Variants in MS4A15 observed in about 807,000 individuals in gnomAD.
MS4A15 encodes membrane-spanning 4-domains subfamily A member 15.
In MS4A15, 22 loss-of-function variants were observed where a neutral mutation model predicts 20.6. The ratio of observed to expected loss-of-function variants is 1.07; its 90% confidence interval spans 0.76 to 1.52. The LOEUF (loss-of-function observed/expected upper bound fraction) is 1.52. Ranked by LOEUF, MS4A15 falls within the 40% of genes most tolerant of loss-of-function variation. MS4A15 has a pLI of 0.00. For synonymous variants in MS4A15, 129 were observed against 129.3 expected, an observed-to-expected ratio of 1.00 and a Z score of 0.02; for missense variants, 312 against 323.0, an observed-to-expected ratio of 0.97 and a Z score of 0.26.
intron 1 of MS4A15, among the ~76,000 whole-genome samples, chr11:60,761,467 T>G (rs1283639202): frequency 6.6e-6 from 1 of 152,166 alleles, no homozygotes; most frequent in Non-Finnish European, 1.5e-5. Context: ...CATTCAGTGG[T>G]CTCCATCCAG....
At chr11:60,775,337 A>AAG (rs1413032547) in intron 6 of MS4A15, among the ~76,000 whole-genome samples, 3 of 148,990 alleles carry the variant, frequency 2.0e-5, no homozygotes, top group Non-Finnish European at 4.4e-5. Context: ...AAGAAAAGAA[A>AAG]AAAAAGAACA....
In MS4A15 at chr11:60,775,781, C is replaced by G; in HGVS notation, c.*66C>G. The G allele has an allele frequency of 7.6e-7, 1 of 1,317,872 alleles. No homozygotes were observed. Among genetic ancestry groups the G allele is most frequent in the Non-Finnish European group, 1.1e-6 (1 of 939,578 alleles). The allele number at this position is 1,317,872 out of a possible 1,614,324, so 81.6% of individuals were successfully genotyped here. ...CCTCTGGGCCCAGCCTCTCCCCACC[C>G]CCACCTTGTTCATCAGGGGCCAGCC... is the stretch of plus-strand genomic sequence containing the variant. On this transcript the variant is annotated 3_prime_UTR_variant, in exon 7 of 7. Coordinates refer to ENST00000405633, the MANE Select transcript of MS4A15 (RefSeq NM_001098835.2).
chr11:60,771,306 T>A lies in MS4A15; in HGVS notation c.364T>A (p.Ser122Thr). The A allele has an allele frequency of 1.2e-6, 2 of 1,613,928 alleles. No individual in the cohort carries two copies. The highest frequency in any genetic ancestry group is 1.7e-6 in the Non-Finnish European group (2 of 1,179,986). ...WGGACFIISGSLSVAAEKNHT... is the reference protein window; with the variant it reads ...WGGACFIISGTLSVAAEKNHT... ...CCCCATACAGTTCATCATCTCCGGA[T>A]CCCTCTCAGTGGCAGCCGAGAAGAA... Residue 122 changes from serine (S) to threonine (T), a missense_variant, in exon 4 of 7, where the codon TCC becomes ACC. Coordinates refer to ENST00000405633, the MANE Select transcript of MS4A15 (RefSeq NM_001098835.2).
At chr11:60,774,289 G>A (rs886470584) in intron 6 of MS4A15, among the ~76,000 whole-genome samples, 7 of 152,190 alleles carry the variant, frequency 4.6e-5, no homozygotes, top group Non-Finnish European at 8.8e-5. Flanking sequence ...GTGATGGTAC[G>A]TGCCTGTACT....
chr11:60,760,522 C>T (rs1000301091), intron 1 of MS4A15, among the ~76,000 whole-genome samples: 1 of 152,094 alleles, frequency 6.6e-6, no homozygotes, highest in Non-Finnish European at 1.5e-5. Context: ...ATCCCCATGC[C>T]GGAGAAAAAA....
In MS4A15 at chr11:60,767,664, C is replaced by G; in HGVS notation, c.348+9C>G. 2 of 1,544,002 alleles carry G rather than the reference C, an allele frequency of 1.3e-6. No individual in the cohort carries two copies. The highest frequency in any genetic ancestry group is 8.7e-7 in the Non-Finnish European group (1 of 1,143,876). The stretch of plus-strand genomic sequence containing the variant: ...TCTGGGGAGGAGCCTGCGTGAGTGC[C>G]GGGGCCATGGAGAGGGAGGGTAGGG... On this transcript the variant is annotated intron_variant, in intron 3 of 6. Coordinates refer to ENST00000405633, the MANE Select transcript of MS4A15 (RefSeq NM_001098835.2).
At chr11:60,762,343 T>A (rs1050975760) in intron 1 of MS4A15, among the ~76,000 whole-genome samples, 2 of 152,218 alleles carry the variant, frequency 1.3e-5, no homozygotes, top group African/African-American at 2.4e-5. Flanking sequence ...TATAATTCTA[T>A]CTATGTCACA....
At chr11:60,773,306 G>A (rs1389562567) in intron 4 of MS4A15, 86 bp from the exon 5 acceptor site, 3 of 1,121,776 alleles carry the variant, frequency 2.7e-6, no homozygotes, top group South Asian at 1.4e-5. Flanking sequence ...GCAGCGTGCT[G>A]GGGGCTGGGC....
rs1032939 is a variant in MS4A15 at position 60,763,873 on chromosome 11, T to G, written c.140T>G (p.Leu47Arg). ...PGIMQFEEPP[L>R]GAQTPRATQP... Reference sequence around the variant, plus strand: ...ATTATGCAGTTTGAGGAGCCACCGCTGGGGGCACAGACACCAAGGGCCACA... The same window carrying G: ...ATTATGCAGTTTGAGGAGCCACCGCGGGGGGCACAGACACCAAGGGCCACA... The change falls in exon 2 of 7, where the codon CTG becomes CGG. Residue 47 changes from leucine (L) to arginine (R), a missense_variant. Leu to Arg is a moderately radical substitution (Grantham distance 102). Transcript: ENST00000405633. 743,406 of 1,612,624 alleles carry G rather than the reference T, an allele frequency of 0.46. 177,997 individuals are homozygous for G. Among genetic ancestry groups the G allele is most frequent in the East Asian group, 0.66 (29,426 of 44,858 alleles).
intron 2 of MS4A15, among the ~76,000 whole-genome samples, chr11:60,765,896 A>T (rs1325299122): frequency 6.6e-6 from 1 of 151,824 alleles, no homozygotes; most frequent in African/African-American, 2.4e-5. Flanking sequence ...AAAAAAAAAA[A>T]ATTGATGAGA....
Position 60,766,384 on chromosome 11 carries a change from A to AAAT in MS4A15, c.226-1135_226-1133dup, listed in dbSNP as rs988734443. 1.3e-5 allele frequency among the ~76,000 whole-genome samples: 2 copies of AAAT among 152,106 alleles called. 1 individual carries two copies. Among genetic ancestry groups the AAAT allele is most frequent in the South Asian group, 4.1e-4 (2 of 4,820 alleles). On this transcript the variant is annotated intron_variant, in intron 2 of 6. Transcript: ENST00000405633. The stretch of plus-strand genomic sequence containing the variant: ...CAACAAGAGTGAAACTCCTTCTCAA[A>AAAT]AATAATAATAATAATAGTAATAACC...
chr11:60,776,287 G>A lies in MS4A15; in HGVS notation c.*572G>A, dbSNP rs1377150072. The A allele has an allele frequency of 6.6e-6, 1 of 152,350 alleles. No individual in the cohort carries two copies. Among genetic ancestry groups the A allele is most frequent in the Non-Finnish European group, 1.5e-5 (1 of 68,120 alleles). 9.4% of individuals were successfully genotyped at this position (152,350 alleles called of 1,614,324 possible). On this transcript the variant is annotated 3_prime_UTR_variant, in exon 7 of 7. Transcript: ENST00000405633. ...GAAACTAGAGTGTTGAACCAGATAAGGTTCATCAGGCCCTTCCAGCTCCCC... is the reference window on the plus strand; with the variant it reads ...GAAACTAGAGTGTTGAACCAGATAAAGTTCATCAGGCCCTTCCAGCTCCCC...
In MS4A15 at chr11:60,773,918, G is replaced by A. The variant is rs770241235; in HGVS notation, c.580G>A (p.Gly194Arg). The change falls in exon 6 of 7, where the codon GGG becomes AGG. Residue 194 changes from glycine (G) to arginine (R), a missense_variant. By Grantham distance (125) the Gly-to-Arg change is moderately radical. Transcript: ENST00000405633. ...CACAGCGGTCATTGCCATGCACTTC[G>A]GGTGCCAAGCCATCCATGCCCAGGC... The part of the protein sequence containing the change: ...FFTAVIAMHF[G>R]CQAIHAQASA... 25 of 1,613,932 alleles carry A rather than the reference G, an allele frequency of 1.5e-5. No individual in the cohort carries two copies. Among genetic ancestry groups the A allele is most frequent in the South Asian group, 2.2e-5 (2 of 91,078 alleles).
intron 1 of MS4A15, among the ~76,000 whole-genome samples, chr11:60,758,596 A>G (rs1283484005): frequency 3.3e-5 from 5 of 152,272 alleles, no homozygotes; most frequent in African/African-American, 1.2e-4. Flanking sequence ...AACCAGGCAT[A>G]TGGCAAAAAT....
At position 60,756,991 on chromosome 11, in the gene MS4A15, G is replaced by A. The variant is rs1853614557; in HGVS notation, c.-96G>A. On this transcript the variant is annotated 5_prime_UTR_variant, in exon 1 of 7. Transcript: ENST00000405633. ...GCAAGCTATAAGCTCTGCAAGTGGTGACCCCGACGTGATCGCCTTGAAGTT... is the reference window on the plus strand; with the variant it reads ...GCAAGCTATAAGCTCTGCAAGTGGTAACCCCGACGTGATCGCCTTGAAGTT... 1 of 152,044 alleles carries A rather than the reference G, an allele frequency of 6.6e-6. No individual in the cohort carries two copies. Among genetic ancestry groups the A allele is most frequent in the African/African-American group, 2.4e-5 (1 of 41,376 alleles). 9.4% of individuals were successfully genotyped at this position (152,044 alleles called of 1,614,324 possible).
chr11:60,759,117 A>G (rs1853664410), intron 1 of MS4A15, among the ~76,000 whole-genome samples: 1 of 152,242 alleles, frequency 6.6e-6, no homozygotes, highest in South Asian at 2.1e-4. Flanking sequence ...TTGTGGGGAA[A>G]AGAAAGAGAG....
At chr11:60,773,641 C>T (rs1854102080) in intron 5 of MS4A15, among the ~76,000 whole-genome samples, 157 bp downstream of exon 5, 1 of 152,176 alleles carries the variant, frequency 6.6e-6, no homozygotes, top group African/African-American at 2.4e-5. Context: ...GAGCCTTCCC[C>T]AAGATAGGCA....
chr11:60,773,358 A>G (rs1339158774), intron 4 of MS4A15, 34 bp from the exon 5 acceptor site: 1 of 1,570,204 alleles, frequency 6.4e-7, no homozygotes, highest in Non-Finnish European at 8.7e-7. Context: ...CTCTTTGCCT[A>G]TTCCCTCTGC....
In MS4A15 at chr11:60,775,915, A is replaced by C; in HGVS notation, c.*200A>C. ...TTCCCCAGTGCTTTCTTTCTAAAAG[A>C]CACCGGGCTGACGTCAGGGGTGTGT... is the stretch of plus-strand genomic sequence containing the variant. On this transcript the variant is annotated 3_prime_UTR_variant, in exon 7 of 7. Coordinates refer to ENST00000405633, the MANE Select transcript of MS4A15 (RefSeq NM_001098835.2). The C allele has an allele frequency of 2.0e-6, 1 of 494,968 alleles. No homozygotes were observed. The highest frequency in any genetic ancestry group is 3.5e-5 in the South Asian group (1 of 28,728). The allele number at this position is 494,968 out of a possible 1,614,324, so 30.7% of individuals were successfully genotyped here.
Sources: allele counts gnomAD v4.1 joint callset (sites outside exome capture counted in the v4.1 genomes callset), GRCh38; gene constraint gnomAD v4.1.1; transcripts MANE v1.5; gene names NCBI Gene and HGNC (gene_info 2026-07-23, HGNC 2026-07-21).